The following KHSRP variants were observed in gnomAD, a reference collection of about 807,000 sequenced individuals.
The protein encoded by KHSRP is KH-type splicing regulatory protein.
KHSRP carries 13 observed loss-of-function variants against 94.9 expected under a neutral mutation model. The observed-to-expected ratio is 0.14, with a 90% CI of 0.09 to 0.22. The LOEUF is 0.22. KHSRP is among the 10% of genes least tolerant of loss of function. The pLI is 1.00. For missense variants in KHSRP, 710 were observed against 1,010.0 expected (o/e 0.70, Z 4.03); for synonymous variants, 495 against 401.4 (o/e 1.23, Z -2.79).
At position 6,421,669 on chromosome 19, in the gene KHSRP, C is replaced by T; in HGVS notation, c.366G>A (p.Lys122=). 1.9e-6 allele frequency: 3 copies of T among 1,613,940 alleles called. No individual in the cohort carries two copies. In the Admixed American group the frequency reaches 5.0e-5, roughly 27 times the overall value. The change falls in exon 3 of 19, where the codon AAG becomes AAA. Residue 122 remains lysine, a synonymous_variant. Coordinates refer to ENST00000600480, the MANE Select transcript of KHSRP (RefSeq NM_001366299.1). The part of the protein sequence containing the change: ...LEDGDQPESK[K]LASQGDSISS... ...ACTTACAGTCTCCCTGGGAAGCCAG[C>T]TTCTTGCTCTCCGGTTGATCTGGGA... is the stretch of plus-strand genomic sequence containing the variant.
At position 6,414,810 on chromosome 19, in the gene KHSRP, C is replaced by T. The variant is rs888618834; in HGVS notation, c.*214G>A. On this transcript the variant is annotated 3_prime_UTR_variant, in exon 19 of 19. Transcript: ENST00000600480. ...TGGTGGCGGCCGGGCCGGTGCCCAC[C>T]GTCCGCGCTGTCTGCCTGCCCCCCG... 33 of 1,195,862 alleles carry T rather than the reference C, an allele frequency of 2.8e-5. No homozygotes were observed. Among genetic ancestry groups the T allele is most frequent in the African/African-American group, 6.3e-5 (4 of 63,272 alleles). The allele number at this position is 1,195,862 out of a possible 1,614,324, so 74.1% of individuals were successfully genotyped here.
intron 15 of KHSRP, 42 bp from the exon 16 acceptor site, chr19:6,415,938 G>T: frequency 7.8e-7 from 1 of 1,276,274 alleles, no homozygotes; most frequent in Non-Finnish European, 1.1e-6. Flanking sequence ...GTGGTGCGGG[G>T]GTGGCCGCAG....
intron 1 of KHSRP, among the ~76,000 whole-genome samples, chr19:6,423,522 C>T (rs1352560874): frequency 6.6e-6 from 1 of 152,234 alleles, no homozygotes; most frequent in Non-Finnish European, 1.5e-5. Context: ...GCACCAGCTT[C>T]CTCCCTTCAA....
rs774754956 is a variant in KHSRP at position 6,415,639 on chromosome 19, C to T, written c.1783G>A (p.Ala595Thr). The T allele has an allele frequency of 2.0e-5, 31 of 1,526,464 alleles. No individual in the cohort carries two copies. Among genetic ancestry groups the T allele is most frequent in the East Asian group, 1.5e-4 (6 of 40,430 alleles). 94.6% of individuals were successfully genotyped at this position (1,526,464 alleles called of 1,614,324 possible). ...QQPPGPVPGPAPAPAAPPAQG... is the reference protein window; with the variant it reads ...QQPPGPVPGPTPAPAAPPAQG... ...GCCGGTGGGGCCGCAGGGGCCGGTG[C>T]GGGGCCGGGGACGGGGCCCGGGGGC... The change falls in exon 17 of 19, where the codon GCA (alanine) becomes ACA (threonine). Residue 595 changes from alanine (A) to threonine (T), a missense_variant. Transcript: ENST00000600480.
chr19:6,416,130 A>G (rs1221470987), intron 15 of KHSRP, among the ~76,000 whole-genome samples, 168 bp downstream of exon 15: 1 of 152,196 alleles, frequency 6.6e-6, no homozygotes, highest in Admixed American at 6.5e-5. Context: ...GCTGAAAGGC[A>G]CATGCTCTAC....
In KHSRP at chr19:6,418,061, T is replaced by G. The variant is rs1174285356; in HGVS notation, c.898A>C (p.Met300Leu). The part of the protein sequence containing the change: ...YKVQQACEMV[M>L]DILRERDQGG... Reference sequence around the variant, plus strand: ...TGGTCACGTTCCCGGAGGATGTCCATCACCATCTCACAGGCTTGCTGCAAA... The same window carrying G: ...TGGTCACGTTCCCGGAGGATGTCCAGCACCATCTCACAGGCTTGCTGCAAA... Residue 300 changes from methionine to leucine, a missense_variant, in exon 10 of 19, where the codon ATG becomes CTG. Met to Leu is a conservative substitution (Grantham distance 15, BLOSUM62 2). This residue lies in a region of KHSRP where 288 missense variants were observed against 501.1 expected (regional missense o/e 0.57). Transcript: ENST00000600480. The surrounding 1 kb of genome is among the most constrained non-coding windows in gnomAD (Gnocchi z 4.3). 6.2e-7 allele frequency: 1 copy of G among 1,613,696 alleles called. No individual in the cohort carries two copies. The highest frequency in any genetic ancestry group is 8.5e-7 in the Non-Finnish European group (1 of 1,179,840).
Position 6,418,198 on chromosome 19 carries a change from C to A in KHSRP, c.880-119G>T. ...CGAACCCTGGGTGAGCCCAGCACAG[C>A]ACCCTACTGAGCTCTCTACCTGCCA... On this transcript the variant is annotated intron_variant, in intron 9 of 18. Transcript: ENST00000600480. This position sits in a 1 kb window ranked among gnomAD's most constrained non-coding sequence, Gnocchi z 4.3. 1 of 817,448 alleles carries A rather than the reference C, an allele frequency of 1.2e-6. No individual in the cohort carries two copies. The highest frequency in any genetic ancestry group is 2.0e-6 in the Non-Finnish European group (1 of 489,466). The allele number at this position is 817,448 out of a possible 1,614,324, so 50.6% of individuals were successfully genotyped here. A position where few individuals can be genotyped will look rare whatever the true frequency, so the allele number is the denominator to read the frequency against.
rs67354590 is a variant in KHSRP at position 6,413,132 on chromosome 19, CAAA to C, written c.*1889_*1891del. Among the ~76,000 whole-genome samples the C allele has an allele frequency of 4.0e-3, 418 of 103,352 alleles. 3 individuals carry two copies. The highest frequency in any genetic ancestry group is 5.4e-3 in the Non-Finnish European group (279 of 51,868). The allele number at this position is 103,352 out of a possible 152,430, so 67.8% of individuals were successfully genotyped here. Reference sequence around the variant, plus strand: ...TTTAAACAAAAAGCACTTTATTTAACAAAAAAAAAAAAGGGGGGGGGGCACGGT... The same window carrying C: ...TTTAAACAAAAAGCACTTTATTTAACAAAAAAAAAGGGGGGGGGGCACGGT... On this transcript the variant is annotated 3_prime_UTR_variant, in exon 19 of 19. Coordinates refer to ENST00000600480, the MANE Select transcript of KHSRP (RefSeq NM_001366299.1).
At position 6,424,674 on chromosome 19, in the gene KHSRP, G is replaced by T; in HGVS notation, c.28C>A (p.Pro10Thr). 1 of 1,027,140 alleles carries T rather than the reference G, an allele frequency of 9.7e-7. No individual in the cohort carries two copies. Among genetic ancestry groups the T allele is most frequent in the South Asian group, 4.4e-5 (1 of 22,488 alleles). The allele number at this position is 1,027,140 out of a possible 1,614,324, so 63.6% of individuals were successfully genotyped here. ...CCGGCGGGCGGCGGCGGCCCGGGCG[G>T]GGGTCCTCCCGTGCTGTAGTCCGAC... MSDYSTGGP[P>T]PGPPPPAGGG... The change falls in exon 1 of 19, where the codon CCG becomes ACG. Residue 10 changes from proline (P) to threonine (T), a missense_variant. Pro to Thr is a conservative substitution (Grantham distance 38, BLOSUM62 -1). Transcript: ENST00000600480.
chr19:6,422,448 T>A lies in KHSRP; in HGVS notation c.250-12A>T. 6.2e-7 allele frequency: 1 copy of A among 1,600,796 alleles called. No homozygotes were observed. On this transcript the variant is annotated splice_polypyrimidine_tract_variant and intron_variant, in intron 1 of 18. Coordinates refer to ENST00000600480, the MANE Select transcript of KHSRP (RefSeq NM_001366299.1). Reference sequence around the variant, plus strand: ...ATTTTGGCTGCAATCTAGAATAAAGTAGTAAGCACAGAAGAATTACCACCA... The same window carrying A: ...ATTTTGGCTGCAATCTAGAATAAAGAAGTAAGCACAGAAGAATTACCACCA...
intron 6 of KHSRP, among the ~76,000 whole-genome samples, chr19:6,419,687 G>A (rs2092183241): frequency 6.6e-6 from 1 of 152,206 alleles, no homozygotes; most frequent in African/African-American, 2.4e-5. Flanking sequence ...AGCCAGAACC[G>A]GGATTTGCTC....
rs1428710997 is a variant in KHSRP, at chr19:6,414,735, AG to A, written c.*288del. ...AAAAACCAAAAAAGTGATGCAGAGA[AG>A]GGGAAAAAATAGACGTTTTCTTCCC... On this transcript the variant is annotated 3_prime_UTR_variant, in exon 19 of 19. Coordinates refer to ENST00000600480, the MANE Select transcript of KHSRP (RefSeq NM_001366299.1). The A allele has an allele frequency of 4.7e-6, 5 of 1,059,282 alleles. No individual in the cohort carries two copies. The highest frequency in any genetic ancestry group is 8.1e-5 in the South Asian group (2 of 24,698). 65.6% of individuals were successfully genotyped at this position (1,059,282 alleles called of 1,614,324 possible). A position where few individuals can be genotyped will look rare whatever the true frequency, so the allele number is the denominator to read the frequency against.
In KHSRP at chr19:6,419,113, T is replaced by C. The variant is rs914285334; in HGVS notation, c.605+90A>G. On this transcript the variant is annotated intron_variant, in intron 7 of 18. Transcript: ENST00000600480. Reference sequence around the variant, plus strand: ...GGGGGCAAGAATGGAGGACATGGCGTGCAAGTTGCTCCCAACTTTCAATTC... The same window carrying C: ...GGGGGCAAGAATGGAGGACATGGCGCGCAAGTTGCTCCCAACTTTCAATTC... 5 of 1,300,438 alleles carry C rather than the reference T, an allele frequency of 3.8e-6. No homozygotes were observed. In the African/African-American group the frequency reaches 7.4e-5, roughly 19 times the overall value. 80.6% of individuals were successfully genotyped at this position (1,300,438 alleles called of 1,614,324 possible).
Position 6,414,540 on chromosome 19 carries a change from C to T in KHSRP, c.*484G>A, listed in dbSNP as rs1425404561. The stretch of plus-strand genomic sequence containing the variant: ...TTCACGCCCACTTCACAGACAAGCC[C>T]GGGACACAGGCAAGCGCGAGCGCAT... On this transcript the variant is annotated 3_prime_UTR_variant, in exon 19 of 19. Transcript: ENST00000600480. 13 of 1,033,544 alleles carry T rather than the reference C, an allele frequency of 1.3e-5. No homozygotes were observed. Among genetic ancestry groups the T allele is most frequent in the African/African-American group, 3.4e-5 (2 of 58,744 alleles). The allele number at this position is 1,033,544 out of a possible 1,614,324, so 64.0% of individuals were successfully genotyped here.
In KHSRP at chr19:6,414,285, C is replaced by A; in HGVS notation, c.*739G>T. On this transcript the variant is annotated 3_prime_UTR_variant, in exon 19 of 19. Coordinates refer to ENST00000600480, the MANE Select transcript of KHSRP (RefSeq NM_001366299.1). ...AAGGACGTGCTTGTTAACTGTCTAG[C>A]CAGGTGCTCGCGGGACTCGCTGAAG... The A allele has an allele frequency of 7.1e-7, 1 of 1,412,526 alleles. No homozygotes were observed. The highest frequency in any genetic ancestry group is 9.3e-7 in the Non-Finnish European group (1 of 1,076,944). 87.5% of individuals were successfully genotyped at this position (1,412,526 alleles called of 1,614,324 possible). A position where few individuals can be genotyped will look rare whatever the true frequency, so the allele number is the denominator to read the frequency against.
rs369397731 is a variant in KHSRP, at chr19:6,417,044, G to A, written c.1125C>T (p.Pro375=). 3.0e-5 allele frequency: 49 copies of A among 1,613,348 alleles called. No homozygotes were observed. The highest frequency in any genetic ancestry group is 4.1e-5 in the Non-Finnish European group (48 of 1,179,864). Residue 375 remains proline, a synonymous_variant, in exon 12 of 19, where the codon CCC becomes CCT. Coordinates refer to ENST00000600480, the MANE Select transcript of KHSRP (RefSeq NM_001366299.1). ...GPEKIAHIMG[P]PDRCEHAARI... ...GGGCTGCGTGCTCGCACCTGTCTGG[G>A]GGCCCCATTATATGAGCAATCTTCT...
At position 6,422,333 on chromosome 19, in the gene KHSRP, GA is replaced by G; in HGVS notation, c.346+6del. ...CTCCTAAGCTAAAGGCAGCAGCAGG[GA>G]GTTACCTCCATCTTCCAACTGTCTC... On this transcript the variant is annotated splice_donor_region_variant and intron_variant, in intron 2 of 18. Transcript: ENST00000600480. 1 of 1,599,582 alleles carries G rather than the reference GA, an allele frequency of 6.3e-7. No homozygotes were observed. The highest frequency in any genetic ancestry group is 8.6e-7 in the Non-Finnish European group (1 of 1,166,934).
Position 6,414,277 on chromosome 19 carries a change from C to CT in KHSRP, c.*746dup. 1 of 1,437,392 alleles carries CT rather than the reference C, an allele frequency of 7.0e-7. No homozygotes were observed. The highest frequency in any genetic ancestry group is 9.2e-7 in the Non-Finnish European group (1 of 1,090,426). 89.0% of individuals were successfully genotyped at this position (1,437,392 alleles called of 1,614,324 possible). On this transcript the variant is annotated 3_prime_UTR_variant, in exon 19 of 19. Transcript: ENST00000600480. ...CAGGCTGGAAGGACGTGCTTGTTAA[C>CT]TGTCTAGCCAGGTGCTCGCGGGACT...
chr19:6,418,868 T>C lies in KHSRP; in HGVS notation c.614A>G (p.Lys205Arg), dbSNP rs1190956217. 1 of 1,548,004 alleles carries C rather than the reference T, an allele frequency of 6.5e-7. No homozygotes were observed. The highest frequency in any genetic ancestry group is 8.7e-7 in the Non-Finnish European group (1 of 1,151,860). The change falls in exon 8 of 19, where the codon AAG becomes AGG. Residue 205 changes from lysine to arginine, a missense_variant. Lys to Arg is a conservative substitution (Grantham distance 26, BLOSUM62 2). Around this residue, in one of 5 missense-constraint regions of KHSRP, gnomAD observed 288 missense variants for 501.1 expected, o/e 0.57. Transcript: ENST00000600480. This position sits in a 1 kb window ranked among gnomAD's most constrained non-coding sequence, Gnocchi z 4.3. ...TGAPESVQKA[K>R]MMLDDIVSRG... ...AGACACAATGTCATCCAGCATCATC[T>C]TGGCTTTCCTGGGAAGGGGAGGAGC...
Sources: gnomAD v4.1 joint callset for allele counts (sites outside exome capture counted in the v4.1 genomes callset) on GRCh38, gnomAD v4.1.1 for gene constraint, gnomAD v4.1.1 regional missense constraint, Gnocchi (gnomAD v3.1) non-coding constraint, MANE v1.5 for transcripts, NCBI Gene and HGNC (gene_info 2026-07-23, HGNC 2026-07-21) for gene names.